The following LYPLA1 variants were observed in gnomAD, a reference collection of about 807,000 sequenced individuals.
LYPLA1 encodes lysophospholipase 1, also known as acyl-protein thioesterase 1.
In LYPLA1, 17 loss-of-function variants were observed where a neutral mutation model predicts 34.0. The observed-to-expected ratio is 0.50, with a 90% CI of 0.34 to 0.75. LYPLA1 has a LOEUF of 0.75. Among genes scored for constraint, LYPLA1 ranks in the 30% least tolerant of loss-of-function variants. The probability of loss-of-function intolerance (pLI) is 0.01; values close to 1 mark genes in which losing one functional copy is unlikely to be tolerated. For missense variants in LYPLA1, 203 were observed against 288.8 expected (o/e 0.70, Z 2.15); for synonymous variants, 98 against 100.8 (o/e 0.97, Z 0.17).
chr8:54,099,873 G>A (rs980180053), intron 2 of LYPLA1, among the ~76,000 whole-genome samples: 1 of 151,766 alleles, frequency 6.6e-6, no homozygotes, highest in Admixed American at 6.6e-5. Context: ...TAGTAGAGAT[G>A]GGGTTTCACC....
intron 5 of LYPLA1, 147 bp from the exon 6 acceptor site, chr8:54,055,280 C>A: frequency 1.8e-6 from 1 of 570,476 alleles, no homozygotes; most frequent in Non-Finnish European, 3.1e-6. Context: ...CATTAAAATA[C>A]AAAATTAGAA....
intron 2 of LYPLA1, among the ~76,000 whole-genome samples, chr8:54,084,685 A>G (rs1168752855): frequency 6.6e-6 from 1 of 152,242 alleles, no homozygotes; most frequent in Non-Finnish European, 1.5e-5. Context: ...GAAGACTCAA[A>G]TTATTACAAT....
At chr8:54,091,041 G>A (rs1220748746) in intron 2 of LYPLA1, among the ~76,000 whole-genome samples, 1 of 152,144 alleles carries the variant, frequency 6.6e-6, no homozygotes, top group East Asian at 1.9e-4. Flanking sequence ...ATTTATAGCA[G>A]CAAGAGAACT....
At chr8:54,069,420 A>T (rs973126254) in intron 2 of LYPLA1, among the ~76,000 whole-genome samples, 3 of 152,074 alleles carry the variant, frequency 2.0e-5, no homozygotes, top group East Asian at 1.9e-4. Context: ...AAAATACTTT[A>T]AAAAAAACTT....
chr8:54,047,558 TACC>T lies in LYPLA1; in HGVS notation c.*504_*506del, dbSNP rs1340396248. ...ATCCCTATTATTAGGAATAATGTAA[TACC>T]ACCTCATTCTTATTATGTATTATAA... On this transcript the variant is annotated 3_prime_UTR_variant, in exon 9 of 9. Transcript: ENST00000316963. 2.0e-5 allele frequency: 3 copies of T among 152,094 alleles called. No individual in the cohort carries two copies. The highest frequency in any genetic ancestry group is 7.2e-5 in the African/African-American group (3 of 41,456). 9.4% of individuals were successfully genotyped at this position (152,094 alleles called of 1,614,324 possible).
Position 54,065,836 on chromosome 8 carries a change from A to C in LYPLA1, c.102-23T>G, listed in dbSNP as rs375262651. 5.0e-5 allele frequency: 77 copies of C among 1,552,942 alleles called. 1 individual carries two copies. In the Admixed American group the frequency reaches 7.8e-4, roughly 16 times the overall value. ...TGCCTGGTGGAAAAATCATTGAATA[A>C]TGCTATTAGACACTGTTTTAAATCC... is the stretch of plus-strand genomic sequence containing the variant. On this transcript the variant is annotated intron_variant, in intron 2 of 8. Transcript: ENST00000316963.
At chr8:54,049,704 C>A in intron 8 of LYPLA1, among the ~76,000 whole-genome samples, 1 of 152,140 alleles carries the variant, frequency 6.6e-6, no homozygotes, top group East Asian at 1.9e-4. Flanking sequence ...TTCTTCCTCC[C>A]TCCTTCCACT....
At chr8:54,072,699 G>T (rs959708954) in intron 2 of LYPLA1, among the ~76,000 whole-genome samples, 4 of 151,938 alleles carry the variant, frequency 2.6e-5, no homozygotes, top group African/African-American at 9.7e-5. Flanking sequence ...AGACAGGCTG[G>T]GCGTGGTCGT....
chr8:54,050,601 A>ATCATGGTC (rs1286873100), intron 8 of LYPLA1, among the ~76,000 whole-genome samples: 7 of 152,192 alleles, frequency 4.6e-5, no homozygotes, highest in African/African-American at 1.7e-4. Context: ...TAGCTGTTTC[A>ATCATGGTC]TCATGGTCTC....
Position 54,101,042 on chromosome 8 carries a change from A to C in LYPLA1, c.70-103T>G, listed in dbSNP as rs183462124. ...GGTGGAAAACGGAACGAAACCTACGAGAGAATTACACAACACTATCTTCGG... is the reference window on the plus strand; with the variant it reads ...GGTGGAAAACGGAACGAAACCTACGCGAGAATTACACAACACTATCTTCGG... On this transcript the variant is annotated intron_variant, in intron 1 of 8. Coordinates refer to ENST00000316963, the MANE Select transcript of LYPLA1 (RefSeq NM_006330.4). 3.1e-3 allele frequency: 3,064 copies of C among 973,738 alleles called. 12 individuals carry two copies. Among genetic ancestry groups the C allele is most frequent in the Middle Eastern group, 0.015 (73 of 4,762 alleles). The allele number at this position is 973,738 out of a possible 1,614,324, so 60.3% of individuals were successfully genotyped here. A position where few individuals can be genotyped will look rare whatever the true frequency, so the allele number is the denominator to read the frequency against.
chr8:54,090,691 C>G (rs1407079802), intron 2 of LYPLA1, among the ~76,000 whole-genome samples: 3 of 152,146 alleles, frequency 2.0e-5, no homozygotes, highest in Non-Finnish European at 4.4e-5. Flanking sequence ...TTGTGTGTGT[C>G]TATTATTTCT....
chr8:54,092,461 G>A (rs1255326552), intron 2 of LYPLA1, among the ~76,000 whole-genome samples: 1 of 152,122 alleles, frequency 6.6e-6, no homozygotes, highest in Non-Finnish European at 1.5e-5. Flanking sequence ...TGGCAGTGGG[G>A]CCCAAGAATC....
intron 2 of LYPLA1, among the ~76,000 whole-genome samples, chr8:54,089,353 A>G (rs936643057): frequency 2.4e-4 from 36 of 150,590 alleles, no homozygotes; most frequent in African/African-American, 8.5e-4. Flanking sequence ...CTTTTATTAC[A>G]GTATGTTGTT....
downstream of LYPLA1, among the ~76,000 whole-genome samples, chr8:54,046,079 A>G (rs1464629696): frequency 8.5e-5 from 13 of 152,234 alleles, no homozygotes; most frequent in East Asian, 2.5e-3. Flanking sequence ...AATAAAATAA[A>G]ATAAAATTTA....
chr8:54,075,418 G>A (rs1234856364), intron 2 of LYPLA1, among the ~76,000 whole-genome samples: 2 of 152,214 alleles, frequency 1.3e-5, no homozygotes, highest in East Asian at 3.8e-4. Flanking sequence ...AGAGACCCGG[G>A]AGCATCCCGA....
chr8:54,057,178 CTAT>C (rs1806265285), intron 5 of LYPLA1, among the ~76,000 whole-genome samples: 2 of 152,152 alleles, frequency 1.3e-5, no homozygotes, highest in Non-Finnish European at 2.9e-5. Flanking sequence ...AGTACAACTA[CTAT>C]GGGGAACAGT....
intron 2 of LYPLA1, among the ~76,000 whole-genome samples, chr8:54,094,139 A>G (rs1300323592): frequency 6.6e-6 from 1 of 152,250 alleles, no homozygotes; most frequent in East Asian, 1.9e-4. Context: ...TCTTTCAAAC[A>G]TTCTTCTCTA....
intron 7 of LYPLA1, among the ~76,000 whole-genome samples, 161 bp downstream of exon 7, chr8:54,052,490 GTAGA>G (rs1362534469): frequency 2.0e-5 from 3 of 152,012 alleles, no homozygotes; most frequent in Admixed American, 6.6e-5. Context: ...GGGACAGGAG[GTAGA>G]TAGTAACTCT....
chr8:54,081,579 C>T (rs1563635456), intron 2 of LYPLA1, among the ~76,000 whole-genome samples: 1 of 152,122 alleles, frequency 6.6e-6, no homozygotes, highest in African/African-American at 2.4e-5. Flanking sequence ...TCCCGAGTAG[C>T]TGGGATTACA....
Sources: allele counts gnomAD v4.1 joint callset (sites outside exome capture counted in the v4.1 genomes callset), GRCh38; gene constraint gnomAD v4.1.1; transcripts MANE v1.5; gene names NCBI Gene and HGNC (gene_info 2026-07-23, HGNC 2026-07-21).